Variants in GASK1A observed in about 807,000 individuals in gnomAD.
GASK1A encodes golgi associated kinase 1A.
A neutral mutation model predicts 41.2 loss-of-function variants in GASK1A; 40 were observed. That is an observed-to-expected ratio of 0.97 (90% confidence interval 0.75 to 1.27). The LOEUF (loss-of-function observed/expected upper bound fraction) is 1.27, where lower values mean the gene tolerates loss of function less well. GASK1A is among the 50% of genes most tolerant of loss of function. GASK1A has a pLI of 0.00. For missense variants in GASK1A, 678 were observed against 745.1 expected, an observed-to-expected ratio of 0.91 and a Z score of 1.05; for synonymous variants, 316 against 307.1, an observed-to-expected ratio of 1.03 and a Z score of -0.30.
intron 1 of GASK1A, among the ~76,000 whole-genome samples, chr3:42,996,702 G>A (rs1312790413): frequency 2.6e-5 from 4 of 152,216 alleles, no homozygotes; most frequent in Non-Finnish European, 5.9e-5. Context: ...TGGGGACCTG[G>A]CCATCTCCCC....
chr3:43,024,522 A>G (rs2089536805), intron 1 of GASK1A, among the ~76,000 whole-genome samples: 1 of 152,178 alleles, frequency 6.6e-6, no homozygotes, highest in Non-Finnish European at 1.5e-5. Flanking sequence ...TGCTTGAAAC[A>G]AACTCTGGGT....
intron 2 of GASK1A, among the ~76,000 whole-genome samples, chr3:43,043,815 A>C (rs1466940790): frequency 6.6e-6 from 1 of 152,180 alleles, no homozygotes; most frequent in Non-Finnish European, 1.5e-5. Flanking sequence ...TTTTTCAAAA[A>C]GGGGAAAAAA....
At chr3:43,009,433 G>A (rs2089452715) in intron 1 of GASK1A, among the ~76,000 whole-genome samples, 1 of 152,146 alleles carries the variant, frequency 6.6e-6, no homozygotes, top group Non-Finnish European at 1.5e-5. Context: ...AACCCCTGAT[G>A]GCCTGAGCTA....
At position 43,056,013 on chromosome 3, in the gene GASK1A, T is replaced by G. The variant is rs1401208758; in HGVS notation, c.1518-163T>G. On this transcript the variant is annotated intron_variant, in intron 4 of 4. Coordinates refer to ENST00000430121, the MANE Select transcript of GASK1A (RefSeq NM_001129908.3). The stretch of plus-strand genomic sequence containing the variant: ...GCAAAGCCAGGCAAAGGGTCCTCTG[T>G]TAGTGAGATAGCAGGTGCAGGTCTG... 9.8e-6 allele frequency: 6 copies of G among 615,048 alleles called. No homozygotes were observed. In the Admixed American group the frequency reaches 1.2e-4, roughly 12 times the overall value. 38.1% of individuals were successfully genotyped at this position (615,048 alleles called of 1,614,324 possible). A position where few individuals can be genotyped will look rare whatever the true frequency, so the allele number is the denominator to read the frequency against.
intron 1 of GASK1A, among the ~76,000 whole-genome samples, chr3:42,990,778 G>A (rs2089336838): frequency 6.6e-6 from 1 of 152,186 alleles, no homozygotes; most frequent in African/African-American, 2.4e-5. Context: ...TGCAGGCCAG[G>A]TGTGTTGCTC....
rs145817098 is a variant in GASK1A, at chr3:42,990,713, A to T, written c.3+11068A>T. 3.3e-4 allele frequency among the ~76,000 whole-genome samples: 50 copies of T among 152,260 alleles called. No individual in the cohort carries two copies. The Middle Eastern group carries it at 0.017, about 52-fold the overall frequency. On this transcript the variant is annotated intron_variant, in intron 1 of 4. Coordinates refer to ENST00000430121, the MANE Select transcript of GASK1A (RefSeq NM_001129908.3). ...CCAGGTTTGATGTTCTGAGAGTCCC[A>T]CGTGTGATGTTCTGAGTCCTGGCAG...
At chr3:42,995,383 C>T (rs563403028) in intron 1 of GASK1A, among the ~76,000 whole-genome samples, 1 of 152,314 alleles carries the variant, frequency 6.6e-6, no homozygotes, top group South Asian at 2.1e-4. Flanking sequence ...CATGTAGGGA[C>T]CTGGGCCCAA....
At chr3:42,987,324 G>A (rs920135393) in intron 1 of GASK1A, among the ~76,000 whole-genome samples, 1 of 152,198 alleles carries the variant, frequency 6.6e-6, no homozygotes, top group African/African-American at 2.4e-5. Flanking sequence ...AAGGGGAAGG[G>A]GTGTCTGTAA....
chr3:42,990,057 G>C (rs1422915240), intron 1 of GASK1A, among the ~76,000 whole-genome samples: 1 of 152,038 alleles, frequency 6.6e-6, no homozygotes, highest in Non-Finnish European at 1.5e-5. Flanking sequence ...GGCCAGGTGT[G>C]GTGGCTCATG....
At chr3:43,010,975 C>T (rs1438649857) in intron 1 of GASK1A, among the ~76,000 whole-genome samples, 1 of 152,142 alleles carries the variant, frequency 6.6e-6, no homozygotes, top group Non-Finnish European at 1.5e-5. Context: ...TCTTACCTTC[C>T]CCAACTCCCC....
chr3:43,006,225 G>A (rs565053953), intron 1 of GASK1A, among the ~76,000 whole-genome samples: 2 of 152,266 alleles, frequency 1.3e-5, no homozygotes, highest in East Asian at 1.9e-4. Flanking sequence ...TCGGTGCACA[G>A]CCGTTGGCTT....
chr3:43,031,510 C>G (rs1311678402), intron 1 of GASK1A, among the ~76,000 whole-genome samples: 1 of 152,198 alleles, frequency 6.6e-6, no homozygotes, highest in East Asian at 1.9e-4. Flanking sequence ...TTCAGTCAAC[C>G]AAGAGTTGAC....
At chr3:42,991,857 C>G (rs2089342535) in intron 1 of GASK1A, among the ~76,000 whole-genome samples, 1 of 152,176 alleles carries the variant, frequency 6.6e-6, no homozygotes, top group Non-Finnish European at 1.5e-5. Flanking sequence ...TGGACCCCAG[C>G]TCAGGGACTG....
At chr3:43,053,855 G>A (rs1013218014) in intron 3 of GASK1A, 1 of 686,474 alleles carries the variant, frequency 1.5e-6, no homozygotes, top group South Asian at 1.5e-5. Context: ...GCCTGAGGAG[G>A]GGTGTGGGGT....
chr3:43,050,281 G>T (rs1398284484), intron 2 of GASK1A, among the ~76,000 whole-genome samples: 1 of 151,944 alleles, frequency 6.6e-6, no homozygotes, highest in Non-Finnish European at 1.5e-5. Flanking sequence ...GGATAGTTTT[G>T]CTGTATATAA....
intron 1 of GASK1A, among the ~76,000 whole-genome samples, chr3:42,998,879 T>A (rs1049837908): frequency 6.6e-6 from 1 of 152,174 alleles, no homozygotes; most frequent in Non-Finnish European, 1.5e-5. Context: ...GACCCTCTAA[T>A]CAGTGTCAGC....
chr3:43,040,993 C>CGA (rs2089634252), intron 2 of GASK1A, among the ~76,000 whole-genome samples: 1 of 150,246 alleles, frequency 6.7e-6, no homozygotes, highest in African/African-American at 2.4e-5. Flanking sequence ...TTTGTTCTTG[C>CGA]GATAGTTTAC....
intron 1 of GASK1A, among the ~76,000 whole-genome samples, chr3:43,007,499 T>C (rs2089442279): frequency 6.6e-6 from 1 of 152,152 alleles, no homozygotes; most frequent in African/African-American, 2.4e-5. Flanking sequence ...GCCAATCCTT[T>C]TGTTTTTTAT....
intron 1 of GASK1A, among the ~76,000 whole-genome samples, chr3:43,009,192 C>T (rs1206245835): frequency 6.6e-6 from 1 of 152,054 alleles, no homozygotes; most frequent in Non-Finnish European, 1.5e-5. Context: ...CTAGAGAGTC[C>T]AGCTCCTGTG....
Sources: gnomAD v4.1 joint callset for allele counts (sites outside exome capture counted in the v4.1 genomes callset) on GRCh38, gnomAD v4.1.1 for gene constraint, MANE v1.5 for transcripts, NCBI Gene and HGNC (gene_info 2026-07-23, HGNC 2026-07-21) for gene names.